ZFPM2: variants seen among roughly 807,000 people sequenced by gnomAD.
ZFPM2 encodes the protein zinc finger protein, FOG family member 2.
ZFPM2 carries 20 observed loss-of-function variants against 98.6 expected under a neutral mutation model. The ratio of observed to expected loss-of-function variants is 0.20; its 90% CI spans 0.14 to 0.29. The LOEUF is 0.29. Ranked by LOEUF, ZFPM2 falls within the 10% of genes least tolerant of loss-of-function variation. ZFPM2 has a pLI of 1.00. For synonymous variants in ZFPM2, 518 were observed against 502.7 expected, an observed-to-expected ratio of 1.03 and a Z score of -0.41; for missense variants, 1,310 against 1,388.6, an observed-to-expected ratio of 0.94 and a Z score of 0.90.
At chr8:105,380,603 A>ATATATATAT (rs1176913096) in intron 1 of ZFPM2, among the ~76,000 whole-genome samples, 1 of 21,764 alleles carries the variant, frequency 4.6e-5, no homozygotes, top group Non-Finnish European at 8.8e-5. Flanking sequence ...TATATATATT[A>ATATATATAT]TATATATATA....
chr8:105,696,304 G>A (rs1811016247), intron 5 of ZFPM2, among the ~76,000 whole-genome samples: 1 of 152,134 alleles, frequency 6.6e-6, no homozygotes, highest in South Asian at 2.1e-4. Context: ...AGTCTTTTAA[G>A]AATCCTTCAC....
At chr8:105,748,692 T>C (rs1812407689) in intron 5 of ZFPM2, among the ~76,000 whole-genome samples, 2 of 152,068 alleles carry the variant, frequency 1.3e-5, no homozygotes, top group Non-Finnish European at 2.9e-5. Context: ...GGATTTTTGC[T>C]CCTTAATGTA....
chr8:105,788,459 A>G (rs1308707092), intron 5 of ZFPM2, among the ~76,000 whole-genome samples: 5 of 152,154 alleles, frequency 3.3e-5, no homozygotes, highest in Non-Finnish European at 7.3e-5. Context: ...ATTGACAAAA[A>G]TCTCTACAAA....
chr8:105,385,297 C>T (rs778075174), intron 1 of ZFPM2, among the ~76,000 whole-genome samples: 5 of 152,164 alleles, frequency 3.3e-5, no homozygotes, highest in Non-Finnish European at 5.9e-5. Flanking sequence ...ATACAGAGTG[C>T]TTTCTGGAAG....
intron 1 of ZFPM2, among the ~76,000 whole-genome samples, chr8:105,382,292 A>T (rs577851591): frequency 6.6e-6 from 1 of 152,008 alleles, no homozygotes; most frequent in African/African-American, 2.4e-5. Flanking sequence ...TTTAAAAATC[A>T]TAAGTTATTC....
intron 3 of ZFPM2, among the ~76,000 whole-genome samples, chr8:105,446,421 G>C (rs2130230569): frequency 6.6e-6 from 1 of 152,192 alleles, no homozygotes. Flanking sequence ...TGACTTGGGA[G>C]TAAGTAAGCA....
At chr8:105,413,282 A>G (rs1328792816) in intron 1 of ZFPM2, among the ~76,000 whole-genome samples, 2 of 151,836 alleles carry the variant, frequency 1.3e-5, no homozygotes, top group African/African-American at 2.4e-5. Context: ...AATATGTAGC[A>G]AGTTTAAAAT....
At position 105,318,849 on chromosome 8, in the gene ZFPM2, G is replaced by C; in HGVS notation, c.-93G>C. ...GGCGGCGGGCCGAGCCTGGCCAGCG[G>C]CGGCGGCGGCGGCGGCGGCGGCGGG... On this transcript the variant is annotated 5_prime_UTR_variant, in exon 1 of 8. Coordinates refer to ENST00000407775, the MANE Select transcript of ZFPM2 (RefSeq NM_012082.4). 1.4e-6 allele frequency: 1 copy of C among 694,726 alleles called. No individual in the cohort carries two copies. The highest frequency in any genetic ancestry group is 1.6e-6 in the Non-Finnish European group (1 of 611,102). The allele number at this position is 694,726 out of a possible 1,614,324, so 43.0% of individuals were successfully genotyped here.
At chr8:105,705,533 C>T (rs1442703875) in intron 5 of ZFPM2, among the ~76,000 whole-genome samples, 2 of 151,998 alleles carry the variant, frequency 1.3e-5, no homozygotes, top group East Asian at 3.9e-4. Flanking sequence ...ACTTCTCATT[C>T]CTTCCTATTT....
chr8:105,742,274 A>T (rs1395346157), intron 5 of ZFPM2, among the ~76,000 whole-genome samples: 1 of 150,144 alleles, frequency 6.7e-6, no homozygotes, highest in African/African-American at 2.4e-5. Flanking sequence ...GCTACTTGGG[A>T]TGCTGAGGTG....
intron 5 of ZFPM2, chr8:105,678,557 T>A (rs1173556257): frequency 2.0e-5 from 3 of 152,138 alleles, no homozygotes; most frequent in African/African-American, 7.2e-5. Flanking sequence ...AAATCAGACA[T>A]CTCTAGGTTG....
intron 3 of ZFPM2, among the ~76,000 whole-genome samples, chr8:105,512,091 G>A (rs1256311196): frequency 6.6e-6 from 1 of 152,198 alleles, no homozygotes; most frequent in Non-Finnish European, 1.5e-5. Context: ...GCTGCAGTGA[G>A]CTGAGATCAT....
chr8:105,786,533 G>T (rs76058247), intron 5 of ZFPM2, among the ~76,000 whole-genome samples: 2 of 152,084 alleles, frequency 1.3e-5, no homozygotes, highest in Non-Finnish European at 2.9e-5. Context: ...CAATTTAGCC[G>T]TTTAGAATGA....
chr8:105,615,257 T>A (rs1035234282), intron 4 of ZFPM2, among the ~76,000 whole-genome samples: 1 of 152,116 alleles, frequency 6.6e-6, no homozygotes, highest in South Asian at 2.1e-4. Context: ...GGAAATATAC[T>A]CTCAAGTTTA....
chr8:105,416,133 A>G (rs1222942622), intron 1 of ZFPM2, among the ~76,000 whole-genome samples: 1 of 151,812 alleles, frequency 6.6e-6, no homozygotes, highest in Non-Finnish European at 1.5e-5. Flanking sequence ...ATAAAAGATT[A>G]TGTATATATA....
At chr8:105,582,799 G>A (rs1485086113) in intron 4 of ZFPM2, among the ~76,000 whole-genome samples, 1 of 152,016 alleles carries the variant, frequency 6.6e-6, no homozygotes, top group South Asian at 2.1e-4. Context: ...TTCCCATGTT[G>A]CCCCAATTGG....
chr8:105,736,580 C>G (rs1483630880), intron 5 of ZFPM2, among the ~76,000 whole-genome samples: 2 of 151,922 alleles, frequency 1.3e-5, no homozygotes, highest in Non-Finnish European at 2.9e-5. Flanking sequence ...GATAACTGTT[C>G]TGACAAATCC....
At chr8:105,542,418 T>C (rs745334805) in intron 3 of ZFPM2, among the ~76,000 whole-genome samples, 1 of 152,180 alleles carries the variant, frequency 6.6e-6, no homozygotes, top group Non-Finnish European at 1.5e-5. Context: ...ATTAATAGTT[T>C]AAGAGCTCTC....
chr8:105,726,461 A>C (rs1284940392), intron 5 of ZFPM2, among the ~76,000 whole-genome samples: 1 of 151,802 alleles, frequency 6.6e-6, no homozygotes, highest in Non-Finnish European at 1.5e-5. Flanking sequence ...AGAACAACTA[A>C]TTCCAGAAAT....
Sources: gnomAD v4.1 joint callset for allele counts (sites outside exome capture counted in the v4.1 genomes callset) on GRCh38, gnomAD v4.1.1 for gene constraint, MANE v1.5 for transcripts, NCBI Gene and HGNC (gene_info 2026-07-23, HGNC 2026-07-21) for gene names.